The following CASP5 variants were observed in gnomAD, a reference collection of about 807,000 sequenced individuals.
The protein encoded by CASP5 is caspase-5.
A neutral mutation model predicts 45.2 loss-of-function variants in CASP5; 42 were observed. That is an observed-to-expected ratio of 0.93 (90% confidence interval 0.73 to 1.20). The LOEUF is 1.20. Among genes scored for constraint, CASP5 ranks in the 50% most tolerant of loss-of-function variants. CASP5 has a pLI of 0.00. For synonymous variants in CASP5, 209 were observed against 186.2 expected (o/e 1.12, Z -1.00); for missense variants, 512 against 532.2 (o/e 0.96, Z 0.37).
Position 105,008,927 on chromosome 11 carries a change from T to C in CASP5, c.61A>G (p.Ile21Val), listed in dbSNP as rs775267573. Residue 21 changes from isoleucine (I) to valine (V), a missense_variant, in exon 2 of 10, where the codon ATC becomes GTC. Coordinates refer to ENST00000260315, the MANE Select transcript of CASP5 (RefSeq NM_004347.5). ...RKNFEAMFKGILQSGLDNFVI... is the reference protein window; with the variant it reads ...RKNFEAMFKGVLQSGLDNFVI... ...AAGTTATCCAATCCACTCTGAAGGATACCTTTGAACATAGCTTCAAAATTC... is the reference window on the plus strand; with the variant it reads ...AAGTTATCCAATCCACTCTGAAGGACACCTTTGAACATAGCTTCAAAATTC... 1.9e-6 allele frequency: 3 copies of C among 1,613,042 alleles called. No individual in the cohort carries two copies. The South Asian group carries it at 3.3e-5, about 18-fold the overall frequency.
At chr11:105,001,776 A>G (rs1218992925) in intron 5 of CASP5, among the ~76,000 whole-genome samples, 1 of 152,174 alleles carries the variant, frequency 6.6e-6, no homozygotes, top group African/African-American at 2.4e-5. Context: ...CTCAGTAACA[A>G]TTGCGAAAAT....
chr11:105,010,449 T>TATACTGATATAATAAATCAGTAATTATC (rs1862291563), intron 1 of CASP5, among the ~76,000 whole-genome samples: 2 of 146,244 alleles, frequency 1.4e-5, no homozygotes, highest in Non-Finnish European at 3.1e-5. Context: ...TAATTATCAT[T>TATACTGATATAATAAATCAGTAATTATC]ATTATACTGA....
intron 4 of CASP5, among the ~76,000 whole-genome samples, chr11:105,002,935 C>T (rs1209511257): frequency 4.6e-5 from 7 of 151,998 alleles, no homozygotes; most frequent in African/African-American, 1.2e-4. Flanking sequence ...CTGTGGTTCC[C>T]GCCTGTAATC....
rs555851472 is a variant in CASP5 at position 105,004,383 on chromosome 11, A to G, written c.434-1000T>C. Among the ~76,000 whole-genome samples, 85 of 152,258 alleles carry G rather than the reference A, an allele frequency of 5.6e-4. No individual in the cohort carries two copies. In the Middle Eastern group the frequency reaches 0.014, roughly 24 times the overall value. On this transcript the variant is annotated intron_variant, in intron 3 of 9. Coordinates refer to ENST00000260315, the MANE Select transcript of CASP5 (RefSeq NM_004347.5). ...GATCTATCCCCTTGTGAAATGTAAT[A>G]TTGATCTCTTTTGACCGATATTGTG... is the stretch of plus-strand genomic sequence containing the variant.
intron 1 of CASP5, among the ~76,000 whole-genome samples, chr11:105,017,980 G>A (rs1862721911): frequency 6.6e-6 from 1 of 152,204 alleles, no homozygotes; most frequent in Non-Finnish European, 1.5e-5. Context: ...CTACAAGCCA[G>A]AAGAGAATGA....
At chr11:104,998,167 G>T (rs1372367620) in intron 7 of CASP5, among the ~76,000 whole-genome samples, 1 of 152,124 alleles carries the variant, frequency 6.6e-6, no homozygotes, top group African/African-American at 2.4e-5. Flanking sequence ...GCATAGATTT[G>T]GGTGATGATT....
At chr11:105,008,751 T>C in intron 2 of CASP5, 56 bp downstream of exon 2, 4 of 1,287,088 alleles carry the variant, frequency 3.1e-6, no homozygotes, top group African/African-American at 1.5e-5. Flanking sequence ...ATGGGACTTA[T>C]AATTGAACAG....
At chr11:105,017,781 A>G (rs1321814398) in intron 1 of CASP5, among the ~76,000 whole-genome samples, 195 of 151,136 alleles carry the variant, frequency 1.3e-3, no homozygotes, top group Non-Finnish European at 2.1e-3. Flanking sequence ...GCAGGCCAAC[A>G]TTCAGATTCA....
chr11:105,000,032 T>G (rs1861648227), intron 6 of CASP5, among the ~76,000 whole-genome samples: 1 of 152,224 alleles, frequency 6.6e-6, no homozygotes, highest in South Asian at 2.1e-4. Context: ...GATGATCTCC[T>G]TCACCACTTC....
At chr11:105,021,036 C>A (rs1173573271) in intron 1 of CASP5, among the ~76,000 whole-genome samples, 1 of 152,052 alleles carries the variant, frequency 6.6e-6, no homozygotes, top group Non-Finnish European at 1.5e-5. Flanking sequence ...TTTGACAAAC[C>A]TGAGACAAAC....
intron 6 of CASP5, among the ~76,000 whole-genome samples, chr11:104,999,963 T>G (rs780212240): frequency 1.3e-5 from 2 of 152,236 alleles, no homozygotes; most frequent in African/African-American, 4.8e-5. Flanking sequence ...CAAGCTATCA[T>G]GTAAATGATT....
chr11:105,016,264 C>G (rs1304735330), intron 1 of CASP5, among the ~76,000 whole-genome samples: 1 of 152,160 alleles, frequency 6.6e-6, no homozygotes, highest in African/African-American at 2.4e-5. Context: ...GTTGGGAATG[C>G]AGTGGTAATC....
intron 1 of CASP5, among the ~76,000 whole-genome samples, chr11:105,010,131 T>C (rs1862265832): frequency 6.6e-6 from 1 of 150,704 alleles, no homozygotes; most frequent in Non-Finnish European, 1.5e-5. Context: ...GTCAGGACAT[T>C]GAACAAAATT....
chr11:105,012,786 G>C lies in CASP5; in HGVS notation c.8-3806C>G, dbSNP rs554338869. ...TAACAAGTGTTGGAAAGGATGTAGA[G>C]AAAAAGGAACTCTTGTATACTGTTG... is the stretch of plus-strand genomic sequence containing the variant. On this transcript the variant is annotated intron_variant, in intron 1 of 9. Coordinates refer to ENST00000260315, the MANE Select transcript of CASP5 (RefSeq NM_004347.5). 2.0e-5 allele frequency among the ~76,000 whole-genome samples: 3 copies of C among 151,584 alleles called. No individual in the cohort carries two copies. In the South Asian group the frequency reaches 6.2e-4, roughly 31 times the overall value.
intron 5 of CASP5, among the ~76,000 whole-genome samples, chr11:105,001,319 C>T (rs1372136284): frequency 6.6e-6 from 1 of 152,226 alleles, no homozygotes; most frequent in Non-Finnish European, 1.5e-5. Context: ...GACTTATCCA[C>T]AGTATCAGGA....
chr11:105,015,239 T>C (rs1862530412), intron 1 of CASP5, among the ~76,000 whole-genome samples: 1 of 152,238 alleles, frequency 6.6e-6, no homozygotes, highest in South Asian at 2.1e-4. Flanking sequence ...AGTCCTTTTC[T>C]AGACACCTTC....
intron 2 of CASP5, among the ~76,000 whole-genome samples, chr11:105,008,420 G>A (rs1050570515): frequency 4.6e-5 from 7 of 152,166 alleles, no homozygotes; most frequent in South Asian, 2.1e-4. Flanking sequence ...ACAGTCTTGT[G>A]AGAAAGTACT....
Position 105,007,780 on chromosome 11 carries a change from A to G in CASP5, c.182-446T>C, listed in dbSNP as rs112102005. On this transcript the variant is annotated intron_variant, in intron 2 of 9. Transcript: ENST00000260315. ...ATTTAGTTTCCTTGGGGAAAGCACT[A>G]TATCTTTGAATTTGCATTTTTAGCA... 2.7e-3 allele frequency among the ~76,000 whole-genome samples: 417 copies of G among 152,210 alleles called. 4 individuals carry two copies. Among genetic ancestry groups the G allele is most frequent in the African/African-American group, 9.4e-3 (391 of 41,544 alleles).
At chr11:104,994,842 A>G (rs1012177139) in intron 9 of CASP5, among the ~76,000 whole-genome samples, 2 of 152,174 alleles carry the variant, frequency 1.3e-5, no homozygotes, top group Non-Finnish European at 2.9e-5. Context: ...CTTTATTCCA[A>G]TTTCATTATT....
Sources: allele counts gnomAD v4.1 joint callset (sites outside exome capture counted in the v4.1 genomes callset), GRCh38; gene constraint gnomAD v4.1.1; transcripts MANE v1.5; gene names NCBI Gene and HGNC (gene_info 2026-07-23, HGNC 2026-07-21).